The following PRKAR1B variants were observed in gnomAD, a reference collection of about 807,000 sequenced individuals.
The protein encoded by PRKAR1B is cAMP-dependent protein kinase type I-beta regulatory subunit.
A neutral mutation model predicts 46.5 loss-of-function variants in PRKAR1B; 22 were observed. The observed-to-expected ratio is 0.47, with a 90% CI of 0.34 to 0.68. The LOEUF is 0.68. PRKAR1B is among the 30% of genes least tolerant of loss of function. The probability of loss-of-function intolerance (pLI) is 0.01; values close to 1 mark genes in which losing one functional copy is unlikely to be tolerated. For synonymous variants in PRKAR1B, 259 were observed against 217.7 expected, an observed-to-expected ratio of 1.19 and a Z score of -1.67; for missense variants, 445 against 535.6, an observed-to-expected ratio of 0.83 and a Z score of 1.67.
chr7:624,131 A>T (rs367630346), intron 4 of PRKAR1B, among the ~76,000 whole-genome samples: 6 of 152,218 alleles, frequency 3.9e-5, no homozygotes, highest in South Asian at 2.1e-4. Flanking sequence ...GCAAACTTTT[A>T]TCTTAAAAAT....
Position 559,647 on chromosome 7 carries a change from C to T in PRKAR1B, c.892-8177G>A, listed in dbSNP as rs141710447. Among the ~76,000 whole-genome samples, 892 of 152,294 alleles carry T rather than the reference C, an allele frequency of 5.9e-3. 7 individuals are homozygous for T. Among genetic ancestry groups the T allele is most frequent in the African/African-American group, 0.02 (819 of 41,556 alleles). On this transcript the variant is annotated intron_variant, in intron 9 of 10. Coordinates refer to ENST00000537384, the MANE Select transcript of PRKAR1B (RefSeq NM_001164760.2). Reference sequence around the variant, plus strand: ...GAAGCCCATCTCTTCCTATGCGGGACGCCACACGCGTGTGCAGGCAGTGAG... The same window carrying T: ...GAAGCCCATCTCTTCCTATGCGGGATGCCACACGCGTGTGCAGGCAGTGAG...
intron 1 of PRKAR1B, among the ~76,000 whole-genome samples, chr7:715,420 C>G (rs1780837173): frequency 6.6e-6 from 1 of 152,132 alleles, no homozygotes; most frequent in Non-Finnish European, 1.5e-5. Context: ...GGTCGGTCGC[C>G]ACCCTGCCAC....
intron 6 of PRKAR1B, among the ~76,000 whole-genome samples, chr7:604,582 C>T (rs144615544): frequency 0.065 from 9,877 of 152,270 alleles, 382 homozygotes; most frequent in East Asian, 0.078. Flanking sequence ...GTGCCCCCCA[C>T]GGGGAGGCGG....
At chr7:646,496 G>A (rs372602000) in intron 4 of PRKAR1B, among the ~76,000 whole-genome samples, 3 of 152,256 alleles carry the variant, frequency 2.0e-5, no homozygotes, top group African/African-American at 7.2e-5. Context: ...CACAGAAAAT[G>A]GTTCCTCCTT....
chr7:563,029 C>T (rs1448704414), intron 9 of PRKAR1B, among the ~76,000 whole-genome samples: 2 of 152,232 alleles, frequency 1.3e-5, no homozygotes, highest in African/African-American at 2.4e-5. Context: ...GAAATCTCCA[C>T]TGTGACTTCA....
At chr7:669,867 ATTT>A (rs570284003) in intron 4 of PRKAR1B, among the ~76,000 whole-genome samples, 3 of 131,416 alleles carry the variant, frequency 2.3e-5, no homozygotes, top group African/African-American at 2.8e-5. Flanking sequence ...CACGTGCCAT[ATTT>A]TTTTTTTTTT....
At chr7:608,140 G>C (rs1235520647) in intron 4 of PRKAR1B, 1 of 152,730 alleles carries the variant, frequency 6.5e-6, no homozygotes, top group Non-Finnish European at 1.5e-5. Context: ...GGAAGGTAGA[G>C]AGGCACCTAC....
intron 4 of PRKAR1B, among the ~76,000 whole-genome samples, chr7:620,930 T>C (rs1562568062): frequency 6.6e-6 from 1 of 152,264 alleles, no homozygotes; most frequent in Non-Finnish European, 1.5e-5. Flanking sequence ...GTATGACCTT[T>C]ACCAAGTTAA....
At chr7:660,475 A>C (rs1462645747) in intron 4 of PRKAR1B, among the ~76,000 whole-genome samples, 110 of 60,022 alleles carry the variant, frequency 1.8e-3, no homozygotes, top group Middle Eastern at 0.011. Context: ...CTCTGCCCCC[A>C]ATGCCACAGG....
At chr7:598,417 AC>A (rs1172942279) in intron 6 of PRKAR1B, among the ~76,000 whole-genome samples, 1 of 98,658 alleles carries the variant, frequency 1.0e-5, no homozygotes, top group Admixed American at 1.2e-4. Context: ...CACCCTCCAC[AC>A]TAAACACCAT....
chr7:552,309 C>T (rs373411478), intron 9 of PRKAR1B, among the ~76,000 whole-genome samples: 1 of 131,754 alleles, frequency 7.6e-6, no homozygotes, highest in East Asian at 2.2e-4. Context: ...AAACCCCCAC[C>T]TCCCGCCCGG....
chr7:708,060 G>A (rs139154226), intron 2 of PRKAR1B, among the ~76,000 whole-genome samples: 14 of 146,272 alleles, frequency 9.6e-5, no homozygotes, highest in South Asian at 8.8e-4. Flanking sequence ...TATCCCACAC[G>A]GACCCAGAAT....
chr7:721,023 T>C (rs913134112), intron 1 of PRKAR1B, among the ~76,000 whole-genome samples: 4 of 152,222 alleles, frequency 2.6e-5, no homozygotes, highest in African/African-American at 9.7e-5. Context: ...GATACCTGAA[T>C]GTTTTTTAGA....
chr7:566,452 ATCACCATCT>A (rs1409010700), intron 9 of PRKAR1B, among the ~76,000 whole-genome samples: 12 of 152,134 alleles, frequency 7.9e-5, no homozygotes, highest in Non-Finnish European at 1.3e-4. Flanking sequence ...CACAACCATC[ATCACCATCT>A]TCACCATGAC....
chr7:721,552 G>A (rs1246240793), intron 1 of PRKAR1B, among the ~76,000 whole-genome samples: 1 of 152,114 alleles, frequency 6.6e-6, no homozygotes, highest in Non-Finnish European at 1.5e-5. Flanking sequence ...AGAGGCTGAG[G>A]CAGGAGAATT....
At position 702,137 on chromosome 7, in the gene PRKAR1B, G is replaced by C. The variant is rs74805076; in HGVS notation, c.177+9192C>G. On this transcript the variant is annotated intron_variant, in intron 2 of 10. Transcript: ENST00000537384. ...AATGGGCCTATGTGATGGAAAACTTGTATGTTTTACTTGAAATGGTAAAAT... is the reference window on the plus strand; with the variant it reads ...AATGGGCCTATGTGATGGAAAACTTCTATGTTTTACTTGAAATGGTAAAAT... 2.6e-5 allele frequency among the ~76,000 whole-genome samples: 4 copies of C among 152,026 alleles called. No individual in the cohort carries two copies. In the East Asian group the frequency reaches 7.7e-4, roughly 29 times the overall value.
rs1169761140 is a variant in PRKAR1B at position 585,799 on chromosome 7, G to T, written c.709-1231C>A. On this transcript the variant is annotated intron_variant, in intron 7 of 10. Transcript: ENST00000537384. The stretch of plus-strand genomic sequence containing the variant: ...CCCTAGATAGGAACCACGGAACCAA[G>T]AAGGAAAGCCTAGACTGGGCCCTAA... Among the ~76,000 whole-genome samples the T allele has an allele frequency of 2.0e-5, 3 of 152,256 alleles. No individual in the cohort carries two copies. The East Asian group carries it at 5.8e-4, about 29-fold the overall frequency.
intron 4 of PRKAR1B, among the ~76,000 whole-genome samples, chr7:629,399 G>A (rs1783603108): frequency 7.4e-6 from 1 of 134,848 alleles, no homozygotes; most frequent in Admixed American, 7.4e-5. Context: ...GCCTCCGAGG[G>A]CGCCACCACC....
rs1338816353 is a variant in PRKAR1B, at chr7:640,856, AAGAC to A, written c.441-33408_441-33405del. Among the ~76,000 whole-genome samples the A allele has an allele frequency of 5.9e-5, 9 of 152,142 alleles. 1 individual carries two copies. In the East Asian group the frequency reaches 9.7e-4, roughly 16 times the overall value. On this transcript the variant is annotated intron_variant, in intron 4 of 10. Coordinates refer to ENST00000537384, the MANE Select transcript of PRKAR1B (RefSeq NM_001164760.2). ...GCATCCACTAGAATGACTACAATAA[AAGAC>A]AGACAATACCAAATGCCAGCAAGGA...
Sources: gnomAD v4.1 joint callset for allele counts (sites outside exome capture counted in the v4.1 genomes callset) on GRCh38, gnomAD v4.1.1 for gene constraint, MANE v1.5 for transcripts, NCBI Gene and HGNC (gene_info 2026-07-23, HGNC 2026-07-21) for gene names.